Variants in MATK observed in about 807,000 individuals in gnomAD.
The protein encoded by MATK is megakaryocyte-associated tyrosine-protein kinase.
Under a neutral mutation model 59.8 loss-of-function variants are expected in MATK, and 41 were observed. That is an observed-to-expected ratio of 0.69 (90% CI 0.53 to 0.89). MATK has a LOEUF of 0.89. MATK is among the 40% of genes least tolerant of loss of function. The probability of loss-of-function intolerance (pLI) is 0.00; values close to 1 mark genes in which losing one functional copy is unlikely to be tolerated. For missense variants in MATK, 593 were observed against 719.6 expected (o/e 0.82, Z 2.01); for synonymous variants, 308 against 306.1 (o/e 1.01, Z -0.06).
chr19:3,799,361 C>T (rs572033905), intron 1 of MATK, among the ~76,000 whole-genome samples: 1 of 152,012 alleles, frequency 6.6e-6, no homozygotes, highest in Non-Finnish European at 1.5e-5. Context: ...GTCACCCTCA[C>T]TGCGTGAAGT....
chr19:3,792,757 A>T (rs1010515830), intron 1 of MATK, among the ~76,000 whole-genome samples: 9 of 152,154 alleles, frequency 5.9e-5, no homozygotes, highest in Non-Finnish European at 1.0e-4. Flanking sequence ...ACCTCAGGTG[A>T]TCCACCCACC....
chr19:3,783,873 C>T lies in MATK; in HGVS notation c.523G>A (p.Asp175Asn), dbSNP rs776657751. 12 of 1,613,072 alleles carry T rather than the reference C, an allele frequency of 7.4e-6. No homozygotes were observed. Among genetic ancestry groups the T allele is most frequent in the African/African-American group, 4.0e-5 (3 of 74,918 alleles). Residue 175 changes from aspartate (D) to asparagine (N), a missense_variant, in exon 6 of 14, where the codon GAC becomes AAC. Asp to Asn is a conservative substitution (Grantham distance 23, BLOSUM62 1). Transcript: ENST00000310132. The stretch of plus-strand genomic sequence containing the variant: ...GCCTCATCGATTGTGAGGTGGCCGT[C>T]GCGGTGCAGCACGCGGTAGTGGATG... ...DVIHYRVLHR[D>N]GHLTIDEAVF...
chr19:3,785,433 C>CT (rs1481442090), intron 1 of MATK, 147 bp from the exon 2 acceptor site: 4 of 403,794 alleles, frequency 9.9e-6, no homozygotes, highest in Non-Finnish European at 1.8e-5. Flanking sequence ...CCTCTCTGAT[C>CT]CCCCCCCAAA....
chr19:3,780,642 C>T (rs1264810216), intron 8 of MATK, among the ~76,000 whole-genome samples: 1 of 148,576 alleles, frequency 6.7e-6, no homozygotes, highest in Non-Finnish European at 1.5e-5. Flanking sequence ...CCATGTTAGC[C>T]AGGATGGTCT....
At chr19:3,781,252 CT>C (rs2037397376) in intron 8 of MATK, among the ~76,000 whole-genome samples, 1 of 152,156 alleles carries the variant, frequency 6.6e-6, no homozygotes, top group African/African-American at 2.4e-5. Context: ...ACAATCTGGC[CT>C]TTTACAGAGA....
chr19:3,778,058 G>C lies in MATK; in HGVS notation c.*125C>G. Reference sequence around the variant, plus strand: ...CGCCCAGAGCCCCCTACGTGGGCCAGCCCCTGCTGTGGGCACCAGGAGGAT... The same window carrying C: ...CGCCCAGAGCCCCCTACGTGGGCCACCCCCTGCTGTGGGCACCAGGAGGAT... On this transcript the variant is annotated 3_prime_UTR_variant, in exon 14 of 14. Coordinates refer to ENST00000310132, the MANE Select transcript of MATK (RefSeq NM_139355.3). The C allele has an allele frequency of 7.2e-7, 1 of 1,386,876 alleles. No individual in the cohort carries two copies. Among genetic ancestry groups the C allele is most frequent in the South Asian group, 1.4e-5 (1 of 69,870 alleles). The allele number at this position is 1,386,876 out of a possible 1,614,324, so 85.9% of individuals were successfully genotyped here.
intron 2 of MATK, 23 bp from the exon 3 acceptor site, chr19:3,784,907 G>T: frequency 6.7e-7 from 1 of 1,496,106 alleles, no homozygotes. Flanking sequence ...CAGAGTCCAG[G>T]TGGGAGCTGG....
intron 8 of MATK, 140 bp downstream of exon 8, chr19:3,781,467 A>G: frequency 1.2e-6 from 1 of 847,576 alleles, no homozygotes; most frequent in Non-Finnish European, 1.9e-6. Context: ...GGGGAAACTG[A>G]GGCTCAGAGG....
rs374718615 is a variant in MATK, at chr19:3,779,591, C to T, written c.869G>A (p.Arg290His). 10 of 1,611,906 alleles carry T rather than the reference C, an allele frequency of 6.2e-6. No homozygotes were observed. The highest frequency in any genetic ancestry group is 2.2e-5 in the East Asian group (1 of 44,832). Reference sequence around the variant, plus strand: ...CTGGTGCAGGATCACGCCCAGGAGACGCACCAGGTTCTCGTGTTGCATCTT... The same window carrying T: ...CTGGTGCAGGATCACGCCCAGGAGATGCACCAGGTTCTCGTGTTGCATCTT... Reference protein sequence around the residue: ...MTKMQHENLVRLLGVILHQGL... With the variant: ...MTKMQHENLVHLLGVILHQGL... Residue 290 changes from arginine (R) to histidine (H), a missense_variant, in exon 10 of 14, where the codon CGT becomes CAT. Physicochemically the swap from Arg to His is conservative, Grantham distance 29 (BLOSUM62 0). Coordinates refer to ENST00000310132, the MANE Select transcript of MATK (RefSeq NM_139355.3).
intron 1 of MATK, chr19:3,793,332 G>T (rs1433889027): frequency 6.6e-6 from 1 of 152,230 alleles, no homozygotes; most frequent in Non-Finnish European, 1.5e-5. Context: ...TTGGGAGGCC[G>T]AGGCTGGTGG....
intron 1 of MATK, among the ~76,000 whole-genome samples, chr19:3,799,708 G>A (rs1434719808): frequency 6.6e-6 from 1 of 152,076 alleles, no homozygotes; most frequent in Admixed American, 6.6e-5. Context: ...GGGTGTGGTG[G>A]TGGGCGCCTG....
upstream of MATK, among the ~76,000 whole-genome samples, chr19:3,790,994 G>A (rs2037535889): frequency 1.3e-5 from 2 of 152,156 alleles, no homozygotes; most frequent in South Asian, 4.1e-4. Flanking sequence ...AATCCCAAGG[G>A]AAAGACTGGT....
rs1031258870 is a variant in MATK at position 3,786,059 on chromosome 19, A to C, written c.-152+110T>G. ...GCCCGGGACGCGCACACTCGCGCAC[A>C]CACCGGCCCTTCCTGCGCACGTCCC... On this transcript the variant is annotated intron_variant, in intron 1 of 13. Coordinates refer to ENST00000310132, the MANE Select transcript of MATK (RefSeq NM_139355.3). This position sits in a 1 kb window ranked among gnomAD's most constrained non-coding sequence, Gnocchi z 4.1. 3.9e-5 allele frequency: 14 copies of C among 358,084 alleles called. No individual in the cohort carries two copies. The highest frequency in any genetic ancestry group is 5.1e-5 in the Non-Finnish European group (13 of 256,622). The allele number at this position is 358,084 out of a possible 1,614,324, so 22.2% of individuals were successfully genotyped here.
chr19:3,788,608 G>T (rs1224643387), upstream of MATK, among the ~76,000 whole-genome samples: 2 of 113,570 alleles, frequency 1.8e-5, no homozygotes, highest in South Asian at 7.1e-4. Context: ...AACAGAGTGA[G>T]ACTCTGTCTC....
Position 3,778,187 on chromosome 19 carries a change from G to C in MATK, c.1520C>G (p.Pro507Arg). ...CAAGGGCCCCACCGGGTGGGGTCAGGGCTCCTGGCTTCGGGGCGAGGTGGA... is the reference window on the plus strand; with the variant it reads ...CAAGGGCCCCACCGGGTGGGGTCAGCGCTCCTGGCTTCGGGGCGAGGTGGA... ...DGSTSPRSQE[P>R] is the part of the protein sequence containing the mutation. Residue 507 changes from proline to arginine, a missense_variant, in exon 14 of 14, where the codon CCC (proline) becomes CGC (arginine). Transcript: ENST00000310132. The C allele has an allele frequency of 6.4e-7, 1 of 1,556,658 alleles. No individual in the cohort carries two copies. Among genetic ancestry groups the C allele is most frequent in the Non-Finnish European group, 8.6e-7 (1 of 1,157,608 alleles).
At chr19:3,797,083 T>C (rs2037602085) in intron 1 of MATK, among the ~76,000 whole-genome samples, 1 of 152,118 alleles carries the variant, frequency 6.6e-6, no homozygotes, top group African/African-American at 2.4e-5. Context: ...CTTGGTGGGC[T>C]CTTTCCTGTG....
intron 1 of MATK, among the ~76,000 whole-genome samples, chr19:3,797,898 C>T (rs772129463): frequency 7.2e-5 from 11 of 151,818 alleles, no homozygotes; most frequent in Non-Finnish European, 8.8e-5. Context: ...AAAAATTAGC[C>T]GGGCATGGTG....
upstream of MATK, among the ~76,000 whole-genome samples, chr19:3,790,208 G>T (rs1432051233): frequency 2.0e-5 from 3 of 152,226 alleles, 1 homozygote; most frequent in Admixed American, 2.0e-4. Context: ...GGCCGCACCA[G>T]TTTCTAATGC....
chr19:3,792,020 A>G (rs947732895), intron 1 of MATK, among the ~76,000 whole-genome samples: 5 of 152,082 alleles, frequency 3.3e-5, no homozygotes, highest in African/African-American at 1.2e-4. Flanking sequence ...AGGTAGGAGA[A>G]TCGCTTGAAT....
Sources: allele counts gnomAD v4.1 joint callset (sites outside exome capture counted in the v4.1 genomes callset), GRCh38; gene constraint gnomAD v4.1.1; non-coding constraint Gnocchi (gnomAD v3.1); transcripts MANE v1.5; gene names NCBI Gene and HGNC (gene_info 2026-07-23, HGNC 2026-07-21).